Variants in MCPH1 observed in about 807,000 individuals in gnomAD.
The protein encoded by MCPH1 is microcephalin.
Under a neutral mutation model 84.5 loss-of-function variants are expected in MCPH1, and 104 were observed. The ratio of observed to expected loss-of-function variants is 1.23; its 90% CI spans 1.05 to 1.45. MCPH1 has a LOEUF of 1.45. MCPH1 is among the 40% of genes most tolerant of loss of function. The pLI is 0.00. For missense variants in MCPH1, 1,498 were observed against 1,005.7 expected (o/e 1.49, Z -6.62); for synonymous variants, 514 against 366.8 (o/e 1.40, Z -4.58).
At position 6,644,315 on chromosome 8, in the gene MCPH1, A is replaced by T. The variant is rs932591458; in HGVS notation, c.*1266A>T. On this transcript the variant is annotated 3_prime_UTR_variant, in exon 14 of 14. Coordinates refer to ENST00000344683, the MANE Select transcript of MCPH1 (RefSeq NM_024596.5). ...AACACTGATGTGTCTGTCACCTTCT[A>T]AAGAAATGAAATGCTAGGAAGTCCT... The T allele has an allele frequency of 1.3e-5, 2 of 152,168 alleles. No individual in the cohort carries two copies. The highest frequency in any genetic ancestry group is 2.9e-5 in the Non-Finnish European group (2 of 68,034). 9.4% of individuals were successfully genotyped at this position (152,168 alleles called of 1,614,324 possible).
chr8:6,623,186 G>GC (rs1422569711), intron 13 of MCPH1, among the ~76,000 whole-genome samples: 3 of 151,664 alleles, frequency 2.0e-5, no homozygotes, highest in Non-Finnish European at 4.4e-5. Flanking sequence ...CTTTTTCAAG[G>GC]CCCCATCTCC....
At chr8:6,449,681 C>T (rs1385157931) in intron 8 of MCPH1, among the ~76,000 whole-genome samples, 1 of 151,970 alleles carries the variant, frequency 6.6e-6, no homozygotes, top group Non-Finnish European at 1.5e-5. Flanking sequence ...TGCTCTTGCA[C>T]TCAGTCTGAA....
chr8:6,452,993 A>G lies in MCPH1; in HGVS notation c.1826-2150A>G, dbSNP rs571145317. ...CATACCTCAGCTGGGAGGTCTAGAC[A>G]AGGTACAGAGAATTAGGTCTCTTCA... On this transcript the variant is annotated intron_variant, in intron 8 of 13. Transcript: ENST00000344683. Among the ~76,000 whole-genome samples, 3 of 152,346 alleles carry G rather than the reference A, an allele frequency of 2.0e-5. No individual in the cohort carries two copies. The East Asian group carries it at 5.8e-4, about 29-fold the overall frequency.
In MCPH1 at chr8:6,467,675, A is replaced by C. The variant is rs577674860; in HGVS notation, c.1936-9919A>C. Among the ~76,000 whole-genome samples, 5 of 152,274 alleles carry C rather than the reference A, an allele frequency of 3.3e-5. No homozygotes were observed. The East Asian group carries it at 5.8e-4, about 18-fold the overall frequency. ...CCGTGGCGAGATCATAGCTCACTGC[A>C]GCCTTGATTGCCTGGGCTCAAGTGA... On this transcript the variant is annotated intron_variant, in intron 9 of 13. Transcript: ENST00000344683.
chr8:6,632,751 G>C (rs528790112), intron 13 of MCPH1, among the ~76,000 whole-genome samples: 1 of 152,228 alleles, frequency 6.6e-6, no homozygotes, highest in South Asian at 2.1e-4. Context: ...AGAGGTTGCA[G>C]TGAGCCAAGA....
At chr8:6,527,850 G>C (rs534478639) in intron 12 of MCPH1, among the ~76,000 whole-genome samples, 23 of 150,376 alleles carry the variant, frequency 1.5e-4, no homozygotes, top group African/African-American at 5.4e-4. Flanking sequence ...CAATGTCTTA[G>C]ATCACATCTG....
At chr8:6,503,090 GACT>G in intron 12 of MCPH1, 1 of 1,614,116 alleles carries the variant, frequency 6.2e-7, no homozygotes, top group Non-Finnish European at 8.5e-7. Flanking sequence ...TCCTCAGGTG[GACT>G]GGGATGTTTA....
rs1298287187 is a variant in MCPH1 at position 6,643,259 on chromosome 8, TTTTTA to T, written c.*220_*224del. On this transcript the variant is annotated 3_prime_UTR_variant, in exon 14 of 14. Transcript: ENST00000344683. The stretch of plus-strand genomic sequence containing the variant: ...TTCAGAGACGCTTCGGGCCTTTTTA[TTTTTA>T]TTTTATTTTTTATTTTTTGAGACGG... The T allele has an allele frequency of 3.3e-6, 2 of 598,008 alleles. No individual in the cohort carries two copies. Among genetic ancestry groups the T allele is most frequent in the East Asian group, 2.8e-5 (1 of 35,264 alleles). 37.0% of individuals were successfully genotyped at this position (598,008 alleles called of 1,614,324 possible).
chr8:6,626,081 A>C (rs1832046829), intron 13 of MCPH1: 3 of 985,374 alleles, frequency 3.0e-6, no homozygotes, highest in Non-Finnish European at 3.6e-6. Flanking sequence ...CTGCCTCTCA[A>C]GACCAACAAC....
At chr8:6,433,898 G>C (rs1487742564) in intron 4 of MCPH1, among the ~76,000 whole-genome samples, 2 of 151,890 alleles carry the variant, frequency 1.3e-5, no homozygotes, top group African/African-American at 4.8e-5. Context: ...CTGCCTGCCT[G>C]CCCAGCTTGC....
intron 13 of MCPH1, among the ~76,000 whole-genome samples, chr8:6,638,961 C>A (rs1043802914): frequency 2.0e-5 from 3 of 152,204 alleles, no homozygotes; most frequent in African/African-American, 7.2e-5. Context: ...CGCACCTCAA[C>A]GCCACTGCTC....
Position 6,643,321 on chromosome 8 carries a change from A to G in MCPH1, c.*272A>G, listed in dbSNP as rs1370289347. ...GCCCTGTTTCCCAGGCTGGAGTGCAATGGCACAATCTCGGCTCACTGCAAC... is the reference window on the plus strand; with the variant it reads ...GCCCTGTTTCCCAGGCTGGAGTGCAGTGGCACAATCTCGGCTCACTGCAAC... On this transcript the variant is annotated 3_prime_UTR_variant, in exon 14 of 14. Transcript: ENST00000344683. The G allele has an allele frequency of 2.0e-5, 9 of 455,750 alleles. No individual in the cohort carries two copies. Among genetic ancestry groups the G allele is most frequent in the Non-Finnish European group, 3.2e-5 (8 of 251,012 alleles). The allele number at this position is 455,750 out of a possible 1,614,324, so 28.2% of individuals were successfully genotyped here. A position where few individuals can be genotyped will look rare whatever the true frequency, so the allele number is the denominator to read the frequency against.
At chr8:6,475,729 A>G (rs1267847838) in intron 9 of MCPH1, among the ~76,000 whole-genome samples, 1 of 152,194 alleles carries the variant, frequency 6.6e-6, no homozygotes, top group Non-Finnish European at 1.5e-5. Context: ...GGGCCAGGGC[A>G]TTGTCCAAGC....
intron 11 of MCPH1, among the ~76,000 whole-genome samples, chr8:6,481,734 A>C (rs962731800): frequency 6.6e-6 from 1 of 152,222 alleles, no homozygotes; most frequent in Non-Finnish European, 1.5e-5. Flanking sequence ...GAAGTGGAAA[A>C]CGTTGAAATT....
chr8:6,429,904 G>A (rs1451396197), intron 3 of MCPH1, among the ~76,000 whole-genome samples: 1 of 152,140 alleles, frequency 6.6e-6, no homozygotes, highest in African/African-American at 2.4e-5. Context: ...CAGGGTCCAA[G>A]CTCATTAGCT....
rs756035398 is a variant in MCPH1 at position 6,647,564 on chromosome 8, A to G, written c.*4515A>G. On this transcript the variant is annotated 3_prime_UTR_variant, in exon 14 of 14. Coordinates refer to ENST00000344683, the MANE Select transcript of MCPH1 (RefSeq NM_024596.5). ...ACAAAATGTATATCCACACCATGGA[A>G]CGCTACTCAGCAAACTTCTAAAAAG... The G allele has an allele frequency of 4.6e-5, 7 of 152,254 alleles. No homozygotes were observed. Among genetic ancestry groups the G allele is most frequent in the Non-Finnish European group, 1.0e-4 (7 of 68,034 alleles). 9.4% of individuals were successfully genotyped at this position (152,254 alleles called of 1,614,324 possible).
At chr8:6,599,047 C>CG (rs1829157815) in intron 12 of MCPH1, among the ~76,000 whole-genome samples, 1 of 152,174 alleles carries the variant, frequency 6.6e-6, no homozygotes, top group African/African-American at 2.4e-5. Flanking sequence ...AGCGCGAATA[C>CG]GGGGCTCTTA....
chr8:6,449,187 G>C (rs977884565), intron 8 of MCPH1, among the ~76,000 whole-genome samples: 4 of 152,160 alleles, frequency 2.6e-5, no homozygotes, highest in African/African-American at 9.7e-5. Flanking sequence ...AATTTGCATT[G>C]AGCATCTTCA....
intron 2 of MCPH1, among the ~76,000 whole-genome samples, chr8:6,412,614 T>C (rs1219285075): frequency 1.3e-5 from 2 of 152,190 alleles, no homozygotes; most frequent in Non-Finnish European, 2.9e-5. Context: ...GCGCAAGGTG[T>C]AGGGGTTTTA....
Sources: gnomAD v4.1 joint callset for allele counts (sites outside exome capture counted in the v4.1 genomes callset) on GRCh38, gnomAD v4.1.1 for gene constraint, MANE v1.5 for transcripts, NCBI Gene and HGNC (gene_info 2026-07-23, HGNC 2026-07-21) for gene names.